ZNF585B: variants seen among roughly 807,000 people sequenced by gnomAD.
ZNF585B encodes zinc finger protein 41-like protein.
A neutral mutation model predicts 14.0 loss-of-function variants in ZNF585B; 7 were observed. The ratio of observed to expected loss-of-function variants is 0.50; its 90% CI spans 0.28 to 0.94. The LOEUF (loss-of-function observed/expected upper bound fraction) is 0.94, where lower values mean the gene tolerates loss of function less well. Among genes scored for constraint, ZNF585B ranks in the 40% least tolerant of loss-of-function variants. The probability of loss-of-function intolerance (pLI) is 0.09; values close to 1 mark genes in which losing one functional copy is unlikely to be tolerated. For missense variants in ZNF585B, 750 were observed against 924.4 expected, an observed-to-expected ratio of 0.81 and a Z score of 2.45; for synonymous variants, 290 against 317.3, an observed-to-expected ratio of 0.91 and a Z score of 0.91.
chr19:37,194,031 G>T (rs1347496426), intron 2 of ZNF585B, among the ~76,000 whole-genome samples: 1 of 152,130 alleles, frequency 6.6e-6, no homozygotes, highest in Admixed American at 6.5e-5. Context: ...ACATATCAAA[G>T]TATTTTTAGA....
chr19:37,206,428 G>A (rs1972588087), intron 2 of ZNF585B, among the ~76,000 whole-genome samples: 3 of 150,588 alleles, frequency 2.0e-5, no homozygotes, highest in South Asian at 2.1e-4. Context: ...TCCAGCCTGG[G>A]CAATGAGAGC....
Position 37,184,960 on chromosome 19 carries a change from C to G in ZNF585B, c.*267G>C. 2.1e-6 allele frequency: 1 copy of G among 466,398 alleles called. No individual in the cohort carries two copies. Among genetic ancestry groups the G allele is most frequent in the East Asian group, 3.1e-5 (1 of 32,022 alleles). The allele number at this position is 466,398 out of a possible 1,614,324, so 28.9% of individuals were successfully genotyped here. On this transcript the variant is annotated 3_prime_UTR_variant, in exon 5 of 5. Coordinates refer to ENST00000532828, the MANE Select transcript of ZNF585B (RefSeq NM_152279.4). ...GGTAACAGTATTCTATTGTAGTTTT[C>G]ATGAGAAGGCTTTTCCTATTCACCA...
intron 2 of ZNF585B, among the ~76,000 whole-genome samples, chr19:37,190,984 G>C (rs917290096): frequency 6.6e-6 from 1 of 152,136 alleles, no homozygotes; most frequent in Non-Finnish European, 1.5e-5. Flanking sequence ...CTACTACTTA[G>C]ATCTACCATT....
At chr19:37,206,949 C>A (rs1272545517) in intron 2 of ZNF585B, 91 bp downstream of exon 2, 43 of 1,520,724 alleles carry the variant, frequency 2.8e-5, no homozygotes, top group Middle Eastern at 2.4e-4. Context: ...GTTCCTAAGG[C>A]CTGTCTGCCT....
intron 1 of ZNF585B, among the ~76,000 whole-genome samples, chr19:37,208,786 G>A (rs960687804): frequency 6.6e-6 from 1 of 152,146 alleles, no homozygotes; most frequent in Admixed American, 6.5e-5. Context: ...GAGGCCAGGA[G>A]TTCGAGACCA....
rs551365922 is a variant in ZNF585B, at chr19:37,184,837, T to C, written c.*390A>G. The C allele has an allele frequency of 1.4e-4, 60 of 420,614 alleles. 1 individual carries two copies. The highest frequency in any genetic ancestry group is 9.8e-4 in the African/African-American group (48 of 49,144). The allele number at this position is 420,614 out of a possible 1,614,324, so 26.1% of individuals were successfully genotyped here. A position where few individuals can be genotyped will look rare whatever the true frequency, so the allele number is the denominator to read the frequency against. ...CAGAAGGATTCATCACTATCATATATATTATGTTGTCTTACCATTCAAACT... is the reference window on the plus strand; with the variant it reads ...CAGAAGGATTCATCACTATCATATACATTATGTTGTCTTACCATTCAAACT... On this transcript the variant is annotated 3_prime_UTR_variant, in exon 5 of 5. Transcript: ENST00000532828.
chr19:37,208,151 T>C (rs572589983), intron 1 of ZNF585B, among the ~76,000 whole-genome samples: 72 of 152,128 alleles, frequency 4.7e-4, no homozygotes, highest in Non-Finnish European at 6.6e-4. Flanking sequence ...TTTTGTATTT[T>C]TAGTAGAGTC....
rs541927906 is a variant in ZNF585B, at chr19:37,203,745, C to T, written c.72+3295G>A. Among the ~76,000 whole-genome samples, 3 of 152,344 alleles carry T rather than the reference C, an allele frequency of 2.0e-5. No homozygotes were observed. In the South Asian group the frequency reaches 6.2e-4, roughly 32 times the overall value. ...CCGGGTTCAAGCAATTCTCCTGCCT[C>T]AGCCTCCAGAGTAGCTGGGATTACA... On this transcript the variant is annotated intron_variant, in intron 2 of 4. Coordinates refer to ENST00000532828, the MANE Select transcript of ZNF585B (RefSeq NM_152279.4).
At chr19:37,203,444 C>T (rs1017728866) in intron 2 of ZNF585B, among the ~76,000 whole-genome samples, 6 of 138,290 alleles carry the variant, frequency 4.3e-5, no homozygotes, top group African/African-American at 1.6e-4. Context: ...CGTGCCACCG[C>T]ACTCCAGCCT....
At chr19:37,205,065 T>A (rs372599136) in intron 2 of ZNF585B, among the ~76,000 whole-genome samples, 1 of 152,072 alleles carries the variant, frequency 6.6e-6, no homozygotes, top group Non-Finnish European at 1.5e-5. Context: ...ATTTTTAATT[T>A]AATTAAATTT....
intron 2 of ZNF585B, among the ~76,000 whole-genome samples, chr19:37,196,299 T>G (rs988085138): frequency 2.0e-5 from 3 of 152,212 alleles, no homozygotes; most frequent in African/African-American, 7.2e-5. Flanking sequence ...GAACCCTCTG[T>G]ATCATTTTGT....
intron 2 of ZNF585B, among the ~76,000 whole-genome samples, chr19:37,199,734 A>G (rs1972510600): frequency 6.6e-6 from 1 of 152,194 alleles, no homozygotes; most frequent in South Asian, 2.1e-4. Context: ...GGAATTCACT[A>G]TAATTATAAC....
At position 37,184,416 on chromosome 19, in the gene ZNF585B, G is replaced by GAAAGAAAGAAAGAAAGAGAA. The variant is rs60442183; in HGVS notation, c.*810_*811insTTCTCTTTCTTTCTTTCTTT. On this transcript the variant is annotated 3_prime_UTR_variant, in exon 5 of 5. Transcript: ENST00000532828. ...AGAAAGAAAGAAAGAAAGAAAGAAA[G>GAAAGAAAGAAAGAAAGAGAA]AGAAAGAAAGAAAAAGAAAGAAAGA... The GAAAGAAAGAAAGAAAGAGAA allele has an allele frequency of 4.3e-4, 29 of 67,988 alleles. 2 individuals are homozygous for GAAAGAAAGAAAGAAAGAGAA. Among genetic ancestry groups the GAAAGAAAGAAAGAAAGAGAA allele is most frequent in the South Asian group, 1.9e-3 (3 of 1,598 alleles). The allele number at this position is 67,988 out of a possible 1,614,324, so 4.2% of individuals were successfully genotyped here.
intron 2 of ZNF585B, among the ~76,000 whole-genome samples, chr19:37,204,831 C>T (rs1285251124): frequency 6.6e-6 from 1 of 151,978 alleles, no homozygotes; most frequent in Non-Finnish European, 1.5e-5. Flanking sequence ...CCTGCAACCT[C>T]TGCCTCCTAG....
rs755215525 is a variant in ZNF585B, at chr19:37,186,477, A to G, written c.1060T>C (p.Ser354Pro). The G allele has an allele frequency of 5.6e-6, 9 of 1,614,158 alleles. No individual in the cohort carries two copies. The Admixed American group carries it at 1.5e-4, about 27-fold the overall frequency. ...HEKIQSREKS[S>P]ICTECGKAFT... Reference sequence around the variant, plus strand: ...GCCTTCCCACACTCAGTACATATGGAAGATTTCTCTCTACTTTGAATCTTC... The same window carrying G: ...GCCTTCCCACACTCAGTACATATGGGAGATTTCTCTCTACTTTGAATCTTC... The change falls in exon 5 of 5, where the codon TCC (serine) becomes CCC (proline). Residue 354 changes from serine (S) to proline (P), a missense_variant. Physicochemically the swap from Ser to Pro is moderately conservative, Grantham distance 74 (BLOSUM62 -1). This residue lies in a region of ZNF585B where 517 missense variants were observed against 570.3 expected (regional missense o/e 0.91). Transcript: ENST00000532828.
chr19:37,188,690 A>C (rs1568507211), intron 4 of ZNF585B, among the ~76,000 whole-genome samples: 1 of 151,604 alleles, frequency 6.6e-6, no homozygotes, highest in Admixed American at 6.6e-5. Context: ...CAAACAAACA[A>C]AGCCAACCAG....
intron 1 of ZNF585B, among the ~76,000 whole-genome samples, chr19:37,209,816 C>T (rs1459851293): frequency 2.0e-5 from 3 of 149,416 alleles, no homozygotes; most frequent in African/African-American, 4.9e-5. Flanking sequence ...CCCGGGTTCA[C>T]GCCATTCTCC....
chr19:37,207,354 GT>G, intron 1 of ZNF585B, 100 bp from the exon 2 acceptor site: 1 of 868,476 alleles, frequency 1.2e-6, no homozygotes, highest in Non-Finnish European at 1.6e-6. Context: ...CAGAGCAGTG[GT>G]TCCCAAACGT....
chr19:37,199,120 AC>A, intron 2 of ZNF585B: 1 of 810,210 alleles, frequency 1.2e-6, no homozygotes, highest in South Asian at 1.7e-5. Context: ...CACCCTACAC[AC>A]ACCAAACTCC....
Sources: allele counts gnomAD v4.1 joint callset (sites outside exome capture counted in the v4.1 genomes callset), GRCh38; gene constraint gnomAD v4.1.1; regional missense constraint gnomAD v4.1.1; transcripts MANE v1.5; gene names NCBI Gene and HGNC (gene_info 2026-07-23, HGNC 2026-07-21).